TSHZ2: variants seen among roughly 807,000 people sequenced by gnomAD.
TSHZ2 encodes the protein teashirt zinc finger homeobox 2.
In TSHZ2, 21 loss-of-function variants were observed where a neutral mutation model predicts 74.4. The ratio of observed to expected loss-of-function variants is 0.28; its 90% CI spans 0.20 to 0.41. The LOEUF (loss-of-function observed/expected upper bound fraction) is 0.41, where lower values mean the gene tolerates loss of function less well. Among genes scored for constraint, TSHZ2 ranks in the 10% least tolerant of loss-of-function variants. TSHZ2 has a pLI of 1.00. For synonymous variants in TSHZ2, 540 were observed against 515.3 expected, an observed-to-expected ratio of 1.05 and a Z score of -0.65; for missense variants, 1,244 against 1,293.5, an observed-to-expected ratio of 0.96 and a Z score of 0.59.
At chr20:53,438,171 G>A (rs1204960008) in intron 2 of TSHZ2, among the ~76,000 whole-genome samples, 1 of 148,060 alleles carries the variant, frequency 6.8e-6, no homozygotes, top group Non-Finnish European at 1.5e-5. Flanking sequence ...GTGCAGTGGT[G>A]CAGTCTCGGC....
chr20:53,240,732 T>TAGAG (rs1990045252), intron 1 of TSHZ2, among the ~76,000 whole-genome samples: 1 of 149,758 alleles, frequency 6.7e-6, no homozygotes, highest in African/African-American at 2.5e-5. Flanking sequence ...GATAGATAGA[T>TAGAG]AGATAGATAG....
chr20:53,200,772 C>T (rs1332550700), intron 1 of TSHZ2, among the ~76,000 whole-genome samples: 1 of 152,112 alleles, frequency 6.6e-6, no homozygotes, highest in Non-Finnish European at 1.5e-5. Context: ...TGTTTCTCAA[C>T]ACAAATGAAC....
At chr20:53,044,233 T>C (rs1027461004) in intron 1 of TSHZ2, among the ~76,000 whole-genome samples, 3 of 152,356 alleles carry the variant, frequency 2.0e-5, no homozygotes, top group East Asian at 1.9e-4. Context: ...CCTCTGAACG[T>C]CATATCAGCT....
intron 1 of TSHZ2, among the ~76,000 whole-genome samples, chr20:53,051,225 G>A (rs1316983573): frequency 6.6e-6 from 1 of 152,106 alleles, no homozygotes; most frequent in Non-Finnish European, 1.5e-5. Flanking sequence ...TGTAATCCCA[G>A]CTACTTGGGA....
chr20:53,434,479 G>C (rs1486294222), intron 2 of TSHZ2, among the ~76,000 whole-genome samples: 1 of 152,132 alleles, frequency 6.6e-6, no homozygotes, highest in Non-Finnish European at 1.5e-5. Context: ...ATAATACTAA[G>C]TACTAAACTA....
intron 2 of TSHZ2, among the ~76,000 whole-genome samples, chr20:53,363,439 CATA>C (rs1367348823): frequency 6.6e-6 from 1 of 152,212 alleles, no homozygotes; most frequent in East Asian, 1.9e-4. Flanking sequence ...TGCCAAGGAG[CATA>C]TCATTGGGAT....
intron 1 of TSHZ2, among the ~76,000 whole-genome samples, chr20:53,115,614 C>T (rs1986647989): frequency 6.6e-6 from 1 of 151,908 alleles, no homozygotes; most frequent in Admixed American, 6.6e-5. Context: ...GGTGGCATGA[C>T]AAAAATAAGT....
chr20:53,444,828 G>A (rs1338215120), intron 2 of TSHZ2, among the ~76,000 whole-genome samples: 2 of 152,280 alleles, frequency 1.3e-5, no homozygotes, highest in African/African-American at 4.8e-5. Flanking sequence ...ACCAGCTGGA[G>A]CATCTTTAAA....
chr20:53,481,353 C>A (rs558611275), intron 2 of TSHZ2, among the ~76,000 whole-genome samples: 1 of 152,188 alleles, frequency 6.6e-6, no homozygotes, highest in African/African-American at 2.4e-5. Flanking sequence ...AATAGGATTG[C>A]TTGAGTTCAG....
chr20:53,030,795 C>T (rs535281690), intron 1 of TSHZ2, among the ~76,000 whole-genome samples: 6 of 152,224 alleles, frequency 3.9e-5, no homozygotes, highest in South Asian at 2.1e-4. Flanking sequence ...CATAGAGATG[C>T]GTAATGTAAA....
chr20:53,284,341 GA>G (rs1267149215), intron 2 of TSHZ2, among the ~76,000 whole-genome samples: 1 of 152,232 alleles, frequency 6.6e-6, no homozygotes, highest in Non-Finnish European at 1.5e-5. Flanking sequence ...GTGTGGCTGA[GA>G]AATCAAATTA....
chr20:53,171,810 T>C (rs957820947), intron 1 of TSHZ2, among the ~76,000 whole-genome samples: 2 of 152,204 alleles, frequency 1.3e-5, no homozygotes, highest in Non-Finnish European at 2.9e-5. Context: ...ACTATCATTA[T>C]TATTGTTTTT....
At chr20:53,170,903 T>A (rs1325043389) in intron 1 of TSHZ2, among the ~76,000 whole-genome samples, 1 of 148,028 alleles carries the variant, frequency 6.8e-6, no homozygotes, top group Non-Finnish European at 1.5e-5. Flanking sequence ...TTGATGGTGC[T>A]CCTCTCAAAA....
At chr20:53,100,139 T>A (rs962867468) in intron 1 of TSHZ2, among the ~76,000 whole-genome samples, 1 of 152,114 alleles carries the variant, frequency 6.6e-6, no homozygotes, top group African/African-American at 2.4e-5. Flanking sequence ...GGAGACTCAC[T>A]GAGATTAGTT....
intron 1 of TSHZ2, among the ~76,000 whole-genome samples, chr20:53,090,280 C>T (rs765786942): frequency 1.3e-5 from 2 of 152,204 alleles, no homozygotes; most frequent in African/African-American, 4.8e-5. Context: ...CTCTCCCACA[C>T]CACTGACTCC....
At chr20:53,438,267 A>C (rs1290445725) in intron 2 of TSHZ2, among the ~76,000 whole-genome samples, 1 of 151,260 alleles carries the variant, frequency 6.6e-6, no homozygotes, top group Non-Finnish European at 1.5e-5. Context: ...CCGCCACGAC[A>C]CCCCGCTAAT....
In TSHZ2 at chr20:53,255,323, A is replaced by T. The variant is rs781696757; in HGVS notation, c.1865A>T (p.Glu622Val). The T allele has an allele frequency of 1.2e-6, 2 of 1,614,040 alleles. No individual in the cohort carries two copies. The highest frequency in any genetic ancestry group is 1.7e-6 in the Non-Finnish European group (2 of 1,179,932). The stretch of plus-strand genomic sequence containing the variant: ...TGTGGGAAAGAAAGTCCCCACGAAG[A>T]GGCCTCATCTTTCAGCCACAGTGAG... ...KECGKESPHE[E>V]ASSFSHSEGD... is the part of the protein sequence containing the mutation. Residue 622 changes from glutamate (E) to valine (V), a missense_variant, in exon 2 of 3, where the codon GAG becomes GTG. Glu to Val is a moderately radical substitution (Grantham distance 121, BLOSUM62 -2). Transcript: ENST00000371497. This position sits in a 1 kb window ranked among gnomAD's most constrained non-coding sequence, Gnocchi z 4.1.
intron 2 of TSHZ2, among the ~76,000 whole-genome samples, chr20:53,270,893 A>C (rs1284647767): frequency 1.3e-5 from 2 of 152,104 alleles, no homozygotes; most frequent in African/African-American, 4.8e-5. Context: ...GGATTTTGTC[A>C]TCTTTAATTG....
intron 1 of TSHZ2, among the ~76,000 whole-genome samples, chr20:53,134,667 T>C (rs2107323): frequency 0.29 from 43,842 of 152,062 alleles, 6,530 homozygotes; most frequent in African/African-American, 0.33. Context: ...GGCAGCTACA[T>C]AGCTACACGG....
Sources: allele counts gnomAD v4.1 joint callset (sites outside exome capture counted in the v4.1 genomes callset), GRCh38; gene constraint gnomAD v4.1.1; non-coding constraint Gnocchi (gnomAD v3.1); transcripts MANE v1.5; gene names NCBI Gene and HGNC (gene_info 2026-07-23, HGNC 2026-07-21).